TRPV6: variants seen among roughly 807,000 people sequenced by gnomAD.
TRPV6 encodes transient receptor potential cation channel subfamily V member 6.
Under a neutral mutation model 79.0 loss-of-function variants are expected in TRPV6, and 39 were observed. The ratio of observed to expected loss-of-function variants is 0.49; its 90% CI spans 0.38 to 0.64. The LOEUF (loss-of-function observed/expected upper bound fraction) is 0.64, where lower values mean the gene tolerates loss of function less well. Ranked by LOEUF, TRPV6 falls within the 30% of genes least tolerant of loss-of-function variation. The pLI, the probability that TRPV6 is intolerant of heterozygous loss-of-function variation, is 0.00. For synonymous variants in TRPV6, 373 were observed against 391.9 expected (o/e 0.95, Z 0.57); for missense variants, 813 against 1,011.1 (o/e 0.80, Z 2.66).
At chr7:142,876,346 G>T in intron 6 of TRPV6, 62 bp downstream of exon 6, 1 of 1,557,968 alleles carries the variant, frequency 6.4e-7, no homozygotes, top group Non-Finnish European at 8.7e-7. Flanking sequence ...TTTCTCCCAG[G>T]GCCAGCGGGA....
In TRPV6 at chr7:142,877,190, C is replaced by T; in HGVS notation, c.559G>A (p.Ala187Thr). 7 of 1,614,210 alleles carry T rather than the reference C, an allele frequency of 4.3e-6. No individual in the cohort carries two copies. The highest frequency in any genetic ancestry group is 5.9e-6 in the Non-Finnish European group (7 of 1,180,044). Residue 187 changes from alanine (A) to threonine (T), a missense_variant, in exon 4 of 15, where the codon GCC (alanine) becomes ACC (threonine). By Grantham distance (58) the Ala-to-Thr change is moderately conservative (BLOSUM62 0). Coordinates refer to ENST00000359396, the MANE Select transcript of TRPV6 (RefSeq NM_018646.6). ...CTACGGCGGAAGGCAGTGCCTGTGG[C>T]TCTGGCAGAGACACTGGCCCTGCGG... is the stretch of plus-strand genomic sequence containing the variant.
At chr7:142,878,113 C>T (rs1795117271) in intron 1 of TRPV6, 87 bp from the exon 2 acceptor site, 3 of 1,102,824 alleles carry the variant, frequency 2.7e-6, no homozygotes, top group Non-Finnish European at 4.1e-6. Flanking sequence ...CATTATTATA[C>T]ACAGATGTGT....
rs1223502839 is a variant in TRPV6 at position 142,878,115 on chromosome 7, CAG to C, written c.249-91_249-90del. ...CCTGGCTTGACTCCATTATTATACA[CAG>C]ATGTGTGTGCCTCAGCAGCAGGAAC... On this transcript the variant is annotated intron_variant, in intron 1 of 14. Transcript: ENST00000359396. 3.7e-6 allele frequency: 4 copies of C among 1,078,796 alleles called. No individual in the cohort carries two copies. In the African/African-American group the frequency reaches 6.2e-5, roughly 17 times the overall value. 66.8% of individuals were successfully genotyped at this position (1,078,796 alleles called of 1,614,324 possible).
chr7:142,877,780 T>G lies in TRPV6; in HGVS notation c.347-7A>C. 2 of 1,614,096 alleles carry G rather than the reference T, an allele frequency of 1.2e-6. No individual in the cohort carries two copies. The highest frequency in any genetic ancestry group is 8.5e-7 in the Non-Finnish European group (1 of 1,180,000). ...GCTGTTTCCCCCATGGCTCCTGGCATTTACAGAGAGGTGGGTTATATGGCT... is the reference window on the plus strand; with the variant it reads ...GCTGTTTCCCCCATGGCTCCTGGCAGTTACAGAGAGGTGGGTTATATGGCT... On this transcript the variant is annotated splice_polypyrimidine_tract_variant and splice_region_variant and intron_variant, in intron 2 of 14. Transcript: ENST00000359396.
intron 1 of TRPV6, chr7:142,884,745 T>G (rs4987606): frequency 6.6e-6 from 1 of 152,126 alleles, no homozygotes; most frequent in Non-Finnish European, 1.5e-5. Flanking sequence ...CCGCTTCCCC[T>G]CAGTCCCCAC....
chr7:142,878,061 T>A, intron 1 of TRPV6, 35 bp from the exon 2 acceptor site: 3 of 1,563,354 alleles, frequency 1.9e-6, no homozygotes, highest in Non-Finnish European at 2.6e-6. Flanking sequence ...CTGGAAACAG[T>A]GAGCATACCT....
In TRPV6 at chr7:142,873,300, G is replaced by C; in HGVS notation, c.1908+148C>G. Reference sequence around the variant, plus strand: ...TTGCCTGGTTGAATTGCTAATCAGTGCTTCTGTACATTTTGCATGATTTTG... The same window carrying C: ...TTGCCTGGTTGAATTGCTAATCAGTCCTTCTGTACATTTTGCATGATTTTG... On this transcript the variant is annotated intron_variant, in intron 13 of 14. Coordinates refer to ENST00000359396, the MANE Select transcript of TRPV6 (RefSeq NM_018646.6). This position sits in a 1 kb window ranked among gnomAD's most constrained non-coding sequence, Gnocchi z 4.8. The C allele has an allele frequency of 9.2e-7, 1 of 1,084,588 alleles. No individual in the cohort carries two copies. The allele number at this position is 1,084,588 out of a possible 1,614,324, so 67.2% of individuals were successfully genotyped here.
At position 142,873,357 on chromosome 7, in the gene TRPV6, G is replaced by A; in HGVS notation, c.1908+91C>T. The A allele has an allele frequency of 6.5e-7, 1 of 1,534,068 alleles. No homozygotes were observed. The highest frequency in any genetic ancestry group is 1.7e-5 in the Admixed American group (1 of 58,358). ...TTGCCACAACTGTCCAAACATAAGT[G>A]GGGTGGAGATATCCTGTCTCTCAGC... On this transcript the variant is annotated intron_variant, in intron 13 of 14. Coordinates refer to ENST00000359396, the MANE Select transcript of TRPV6 (RefSeq NM_018646.6). This position sits in a 1 kb window ranked among gnomAD's most constrained non-coding sequence, Gnocchi z 4.8.
intron 1 of TRPV6, chr7:142,881,190 C>G (rs1308100019): frequency 6.6e-6 from 1 of 152,204 alleles, no homozygotes; most frequent in South Asian, 2.1e-4. Context: ...GTGCACAGAG[C>G]TGACCTACTC....
At chr7:142,875,992 C>T in intron 6 of TRPV6, 88 bp from the exon 7 acceptor site, 17 of 1,410,900 alleles carry the variant, frequency 1.2e-5, no homozygotes, top group Non-Finnish European at 1.5e-5. Flanking sequence ...GAGGACGGCA[C>T]CCCTGGAGAA....
intron 1 of TRPV6, chr7:142,880,591 G>A (rs1795172461): frequency 6.6e-6 from 1 of 152,226 alleles, no homozygotes; most frequent in Admixed American, 6.5e-5. Flanking sequence ...TGTTAGTGGT[G>A]GTATAGTCAG....
At chr7:142,877,477 C>T in intron 3 of TRPV6, 174 bp downstream of exon 3, 1 of 1,445,610 alleles carries the variant, frequency 6.9e-7, no homozygotes, top group Non-Finnish European at 9.3e-7. Flanking sequence ...TTTCAGGGGG[C>T]AGGCGTTCTA....
chr7:142,877,604 C>G (rs780617656), intron 3 of TRPV6, 47 bp downstream of exon 3: 1 of 1,592,056 alleles, frequency 6.3e-7, no homozygotes, highest in East Asian at 2.2e-5. Context: ...ACTTGAAATA[C>G]CCAACCAGTC....
At chr7:142,876,348 C>T in intron 6 of TRPV6, 60 bp downstream of exon 6, 1 of 1,559,898 alleles carries the variant, frequency 6.4e-7, no homozygotes, top group Non-Finnish European at 8.7e-7. Flanking sequence ...TCTCCCAGGG[C>T]CAGCGGGATA....
chr7:142,878,029 A>C lies in TRPV6; in HGVS notation c.249-3T>G. 6.2e-7 allele frequency: 1 copy of C among 1,613,148 alleles called. No homozygotes were observed. The highest frequency in any genetic ancestry group is 1.1e-5 in the South Asian group (1 of 91,054). Reference sequence around the variant, plus strand: ...GAAGGAGAGGAGACTCCCAGATCCTATGAAGGGATGGAATAGGAAAGCTGG... The same window carrying C: ...GAAGGAGAGGAGACTCCCAGATCCTCTGAAGGGATGGAATAGGAAAGCTGG... On this transcript the variant is annotated splice_polypyrimidine_tract_variant and splice_region_variant and intron_variant, in intron 1 of 14. Transcript: ENST00000359396.
rs1273435875 is a variant in TRPV6 at position 142,875,617 on chromosome 7, C to T, written c.1093G>A (p.Gly365Arg). Reference sequence around the variant, plus strand: ...CCCAGCATGCAGAAGTACGGCCGCCCGTACCGCTTCCACTTGAGGCTCACC... The same window carrying T: ...CCCAGCATGCAGAAGTACGGCCGCCTGTACCGCTTCCACTTGAGGCTCACC... Residue 365 changes from glycine (G) to arginine (R), a missense_variant, in exon 8 of 15, where the codon GGG becomes AGG. By Grantham distance (125) the Gly-to-Arg change is moderately radical. This residue lies in a region of TRPV6 where 555 missense variants were observed against 631.0 expected (regional missense o/e 0.88). Transcript: ENST00000359396. The T allele has an allele frequency of 1.4e-5, 22 of 1,613,624 alleles. No individual in the cohort carries two copies. The highest frequency in any genetic ancestry group is 7.7e-5 in the South Asian group (7 of 91,048).
Position 142,876,530 on chromosome 7 carries a change from G to A in TRPV6, c.760C>T (p.Gln254Ter). ...TAGGACAGCAACAGGTTGTACATCT[G>A]GCAGGCAAAGGTTTTGTTGGGCTGG... Residue 254 changes from glutamine (Q) to a stop codon, truncating the protein, a stop_gained, in exon 6 of 15, where the codon CAG becomes TAG. Transcript: ENST00000359396. LOFTEE classifies it high-confidence loss of function. The A allele has an allele frequency of 6.2e-7, 1 of 1,614,156 alleles. No homozygotes were observed. The highest frequency in any genetic ancestry group is 8.5e-7 in the Non-Finnish European group (1 of 1,180,032).
At position 142,874,056 on chromosome 7, in the gene TRPV6, G is replaced by A; in HGVS notation, c.1639+20C>T. The A allele has an allele frequency of 1.2e-6, 2 of 1,611,954 alleles. No individual in the cohort carries two copies. The highest frequency in any genetic ancestry group is 1.7e-6 in the Non-Finnish European group (2 of 1,178,988). ...TCATCTCTTCCCTGCCATGGCCCCT[G>A]GTCCTGGACAGATGATTACCTGAAG... is the stretch of plus-strand genomic sequence containing the variant. On this transcript the variant is annotated intron_variant, in intron 12 of 14. Coordinates refer to ENST00000359396, the MANE Select transcript of TRPV6 (RefSeq NM_018646.6).
Position 142,875,385 on chromosome 7 carries a change from G to T in TRPV6, c.1242+83C>A, listed in dbSNP as rs1586188050. The T allele has an allele frequency of 1.8e-5, 26 of 1,421,000 alleles. No homozygotes were observed. In the South Asian group the frequency reaches 3.1e-4, roughly 17 times the overall value. 88.0% of individuals were successfully genotyped at this position (1,421,000 alleles called of 1,614,324 possible). On this transcript the variant is annotated intron_variant, in intron 8 of 14. Coordinates refer to ENST00000359396, the MANE Select transcript of TRPV6 (RefSeq NM_018646.6). ...TGAGATTAGAGCAAGGGGAGAAATG[G>T]TGTGAGGGAGGAAAGGGACACCAGT... is the stretch of plus-strand genomic sequence containing the variant.
Sources: gnomAD v4.1 joint callset for allele counts on GRCh38, gnomAD v4.1.1 for gene constraint, gnomAD v4.1.1 regional missense constraint, Gnocchi (gnomAD v3.1) non-coding constraint, MANE v1.5 for transcripts, NCBI Gene and HGNC (gene_info 2026-07-23, HGNC 2026-07-21) for gene names.